DOCK4: variants seen among roughly 807,000 people sequenced by gnomAD.
DOCK4 encodes the protein dedicator of cytokinesis 4, also known as dedicator of cytokinesis protein 4.
A neutral mutation model predicts 268.1 loss-of-function variants in DOCK4; 97 were observed. The ratio of observed to expected loss-of-function variants is 0.36; its 90% CI spans 0.31 to 0.43. The LOEUF is 0.43. DOCK4 is among the 20% of genes least tolerant of loss of function. The pLI is 1.00. For missense variants in DOCK4, 2,145 were observed against 2,455.7 expected (o/e 0.87, Z 2.67); for synonymous variants, 954 against 887.2 (o/e 1.08, Z -1.34).
intron 52 of DOCK4, among the ~76,000 whole-genome samples, chr7:111,730,629 C>A (rs1386710792): frequency 6.8e-6 from 1 of 147,238 alleles, no homozygotes; most frequent in East Asian, 1.9e-4. Flanking sequence ...TGATGGCTGG[C>A]TGGGGTAAAA....
At chr7:112,177,786 A>G (rs1818662100) in intron 1 of DOCK4, among the ~76,000 whole-genome samples, 1 of 152,146 alleles carries the variant, frequency 6.6e-6, no homozygotes, top group Non-Finnish European at 1.5e-5. Context: ...AAAAAGAGTC[A>G]CCTTTTACAG....
intron 52 of DOCK4, among the ~76,000 whole-genome samples, chr7:111,730,526 C>T (rs1350892171): frequency 6.6e-6 from 1 of 152,112 alleles, no homozygotes; most frequent in Non-Finnish European, 1.5e-5. Flanking sequence ...ATTAAGAGTT[C>T]CCAATTCACT....
intron 23 of DOCK4, among the ~76,000 whole-genome samples, chr7:111,847,353 T>C (rs988074289): frequency 2.0e-5 from 3 of 152,226 alleles, no homozygotes; most frequent in African/African-American, 7.2e-5. Flanking sequence ...ATAGATATCT[T>C]TCTAAAATTA....
intron 6 of DOCK4, 69 bp downstream of exon 6, chr7:111,988,946 T>C: frequency 6.5e-7 from 1 of 1,531,478 alleles, no homozygotes; most frequent in Non-Finnish European, 8.8e-7. Flanking sequence ...TACCACGTTC[T>C]GGCTCAGGCC....
Position 112,013,448 on chromosome 7 carries a change from G to A in DOCK4, c.38-9317C>T, listed in dbSNP as rs545181532. On this transcript the variant is annotated intron_variant, in intron 1 of 52. Transcript: ENST00000428084. Reference sequence around the variant, plus strand: ...TAGGGGAGCCAGTGAACAGTTCAACGGAGAAATAGAGGAACAAAGTCCAAA... The same window carrying A: ...TAGGGGAGCCAGTGAACAGTTCAACAGAGAAATAGAGGAACAAAGTCCAAA... Among the ~76,000 whole-genome samples the A allele has an allele frequency of 2.0e-4, 30 of 152,260 alleles. 1 individual carries two copies. In the South Asian group the frequency reaches 3.5e-3, roughly 18 times the overall value.
chr7:111,935,670 G>A (rs1562909700), intron 11 of DOCK4, 42 bp from the exon 12 acceptor site: 1 of 1,506,240 alleles, frequency 6.6e-7, no homozygotes, highest in Non-Finnish European at 9.2e-7. Flanking sequence ...AATGATGCAT[G>A]CAGTCAAGCA....
intron 17 of DOCK4, among the ~76,000 whole-genome samples, chr7:111,876,748 GTT>G (rs201760586): frequency 1.3e-4 from 16 of 124,078 alleles, no homozygotes; most frequent in Non-Finnish European, 1.7e-4. Context: ...TGGTATTTTC[GTT>G]TTTTTTTTTT....
chr7:111,927,398 CAT>C (rs1793808474), intron 12 of DOCK4, among the ~76,000 whole-genome samples: 1 of 152,158 alleles, frequency 6.6e-6, no homozygotes, highest in Admixed American at 6.5e-5. Flanking sequence ...GCATTAAAGA[CAT>C]GTGAAATTAT....
chr7:112,131,015 T>C (rs1307366768), intron 1 of DOCK4, among the ~76,000 whole-genome samples: 1 of 152,210 alleles, frequency 6.6e-6, no homozygotes, highest in Non-Finnish European at 1.5e-5. Flanking sequence ...CAAGTTGGCA[T>C]AGAAATACGG....
chr7:112,010,355 T>C (rs552381432), intron 1 of DOCK4, among the ~76,000 whole-genome samples: 74 of 152,318 alleles, frequency 4.9e-4, no homozygotes, highest in African/African-American at 1.8e-3. Context: ...GTACTGTCAT[T>C]TTGAAAGTAT....
intron 1 of DOCK4, among the ~76,000 whole-genome samples, chr7:112,012,427 A>C (rs1010451319): frequency 6.6e-6 from 1 of 152,214 alleles, no homozygotes; most frequent in Non-Finnish European, 1.5e-5. Flanking sequence ...GCTAAGGCAG[A>C]GTTAGGAAGG....
chr7:112,196,343 C>G (rs1820436783), intron 1 of DOCK4, among the ~76,000 whole-genome samples: 1 of 152,112 alleles, frequency 6.6e-6, no homozygotes. Context: ...TCTCTGTCAC[C>G]AATACCCTGC....
At chr7:112,147,075 A>C (rs774321315) in intron 1 of DOCK4, among the ~76,000 whole-genome samples, 2 of 152,144 alleles carry the variant, frequency 1.3e-5, no homozygotes, top group Non-Finnish European at 2.9e-5. Flanking sequence ...ACACTTTGTT[A>C]TATTAATCCA....
intron 1 of DOCK4, among the ~76,000 whole-genome samples, chr7:112,186,334 C>A (rs1327949630): frequency 6.6e-6 from 1 of 152,190 alleles, no homozygotes; most frequent in African/African-American, 2.4e-5. Context: ...TGGGAAGACA[C>A]TACAACATAC....
intron 20 of DOCK4, 145 bp downstream of exon 20, chr7:111,871,845 C>T (rs899779666): frequency 7.9e-6 from 4 of 507,640 alleles, no homozygotes; most frequent in Non-Finnish European, 1.3e-5. Context: ...GGTGTGTTAG[C>T]AGGGAAGAGA....
chr7:112,201,415 T>C (rs1013427881), intron 1 of DOCK4, among the ~76,000 whole-genome samples: 1 of 152,194 alleles, frequency 6.6e-6, no homozygotes, highest in African/African-American at 2.4e-5. Context: ...TTGTTTCTTA[T>C]AAGGTTCATG....
rs1183199177 is a variant in DOCK4, at chr7:111,844,859, G to A, written c.2640C>T (p.Ala880=). 6.2e-7 allele frequency: 1 copy of A among 1,613,210 alleles called. No homozygotes were observed. The stretch of plus-strand genomic sequence containing the variant: ...TCCTCAGCAGAATATCCAGCAAGCT[G>A]GCCACTATCACATCTATTTCCTCCA... ...SVLEEIDVIV[A]SLLDILLRTI... is the part of the protein sequence containing the mutation. Residue 880 remains alanine (A), a synonymous_variant, in exon 25 of 53, where the codon GCC becomes GCT. Coordinates refer to ENST00000428084, the MANE Select transcript of DOCK4 (RefSeq NM_001363540.2).
At chr7:111,830,256 T>C (rs1802717070) in intron 26 of DOCK4, among the ~76,000 whole-genome samples, 1 of 151,982 alleles carries the variant, frequency 6.6e-6, no homozygotes, top group Non-Finnish European at 1.5e-5. Flanking sequence ...TGAAACCTCA[T>C]CTCTACTAAA....
rs185227289 is a variant in DOCK4 at position 112,092,271 on chromosome 7, T to C, written c.38-88140A>G. Among the ~76,000 whole-genome samples the C allele has an allele frequency of 8.4e-3, 1,285 of 152,316 alleles. 28 individuals carry two copies. The highest frequency in any genetic ancestry group is 0.044 in the Admixed American group (670 of 15,290). ...GTATGTTTGCCACACTGGTCTTTCATCTGCCACTAAATAAATAAACACTTA... is the reference window on the plus strand; with the variant it reads ...GTATGTTTGCCACACTGGTCTTTCACCTGCCACTAAATAAATAAACACTTA... On this transcript the variant is annotated intron_variant, in intron 1 of 52. Coordinates refer to ENST00000428084, the MANE Select transcript of DOCK4 (RefSeq NM_001363540.2).
Sources: allele counts gnomAD v4.1 joint callset (sites outside exome capture counted in the v4.1 genomes callset), GRCh38; gene constraint gnomAD v4.1.1; transcripts MANE v1.5; gene names NCBI Gene and HGNC (gene_info 2026-07-23, HGNC 2026-07-21).